Variants in ERBB4 observed in about 807,000 individuals in gnomAD.
ERBB4 encodes receptor tyrosine-protein kinase erbB-4.
Under a neutral mutation model 158.0 loss-of-function variants are expected in ERBB4, and 42 were observed. That is an observed-to-expected ratio of 0.27 (90% CI 0.21 to 0.34). The LOEUF is 0.34. Ranked by LOEUF, ERBB4 falls within the 10% of genes least tolerant of loss-of-function variation. ERBB4 has a pLI of 1.00. For synonymous variants in ERBB4, 583 were observed against 558.7 expected, an observed-to-expected ratio of 1.04 and a Z score of -0.61; for missense variants, 1,333 against 1,624.1, an observed-to-expected ratio of 0.82 and a Z score of 3.08.
At chr2:212,297,502 C>T (rs1453342712) in intron 1 of ERBB4, among the ~76,000 whole-genome samples, 1 of 151,772 alleles carries the variant, frequency 6.6e-6, no homozygotes, top group Non-Finnish European at 1.5e-5. Flanking sequence ...TGTTATAACA[C>T]TAAAAGACAC....
intron 2 of ERBB4, among the ~76,000 whole-genome samples, chr2:212,117,742 A>G (rs988037981): frequency 3.3e-5 from 5 of 149,306 alleles, no homozygotes. Flanking sequence ...CCACTTTGTT[A>G]TGTCATAGAT....
At chr2:212,448,612 G>C (rs1644000491) in intron 1 of ERBB4, among the ~76,000 whole-genome samples, 1 of 152,104 alleles carries the variant, frequency 6.6e-6, no homozygotes, top group South Asian at 2.1e-4. Flanking sequence ...GAAAGAAGCA[G>C]CAGCTTCTGT....
chr2:212,198,874 C>T (rs1295089502), intron 1 of ERBB4, among the ~76,000 whole-genome samples: 1 of 151,704 alleles, frequency 6.6e-6, no homozygotes. Context: ...TGAACCACCA[C>T]ACCTAGCCTA....
intron 20 of ERBB4, among the ~76,000 whole-genome samples, chr2:211,469,559 G>C (rs189030091): frequency 6.6e-6 from 1 of 152,250 alleles, no homozygotes; most frequent in African/African-American, 2.4e-5. Flanking sequence ...CTTAAAGCTA[G>C]AGGAAGATCT....
chr2:211,701,637 A>G (rs1416379426), intron 12 of ERBB4, among the ~76,000 whole-genome samples: 1 of 151,780 alleles, frequency 6.6e-6, no homozygotes, highest in African/African-American at 2.4e-5. Flanking sequence ...GGGCGCCTGT[A>G]GTCCCAGCTA....
At chr2:211,657,617 G>A (rs1283729061) in intron 16 of ERBB4, 137 bp downstream of exon 16, 1 of 732,160 alleles carries the variant, frequency 1.4e-6, no homozygotes, top group African/African-American at 1.7e-5. Context: ...AGTGTTTTAT[G>A]CCTCTTTCAA....
At chr2:211,915,487 C>A (rs1346447467) in intron 3 of ERBB4, among the ~76,000 whole-genome samples, 2 of 150,114 alleles carry the variant, frequency 1.3e-5, no homozygotes, top group Non-Finnish European at 3.0e-5. Flanking sequence ...ATTTTTAAGA[C>A]AACTTTCTTT....
At chr2:212,316,840 T>C (rs765291913) in intron 1 of ERBB4, among the ~76,000 whole-genome samples, 24 of 151,458 alleles carry the variant, frequency 1.6e-4, no homozygotes, top group Non-Finnish European at 3.0e-4. Context: ...GATATGAGAA[T>C]TATGTCTGTT....
intron 1 of ERBB4, among the ~76,000 whole-genome samples, chr2:212,179,297 G>C (rs1231372620): frequency 3.3e-5 from 5 of 149,866 alleles, no homozygotes; most frequent in African/African-American, 1.2e-4. Flanking sequence ...TTCTCATTTA[G>C]AAATTCCTCC....
At chr2:211,854,403 C>A (rs1364685549) in intron 3 of ERBB4, among the ~76,000 whole-genome samples, 10 of 151,920 alleles carry the variant, frequency 6.6e-5, no homozygotes, top group Non-Finnish European at 2.9e-5. Context: ...TTAAAAAGGG[C>A]AAAACACTCG....
intron 2 of ERBB4, among the ~76,000 whole-genome samples, chr2:212,018,284 C>T (rs1262977693): frequency 3.3e-5 from 5 of 152,232 alleles, no homozygotes; most frequent in Admixed American, 1.3e-4. Context: ...TTAGGTTTAA[C>T]CTGAGATAAA....
chr2:212,538,249 T>C (rs1057350662), intron 1 of ERBB4, among the ~76,000 whole-genome samples, 200 bp downstream of exon 1: 1 of 152,150 alleles, frequency 6.6e-6, no homozygotes, highest in Non-Finnish European at 1.5e-5. Flanking sequence ...CAGAGTGATT[T>C]TTCACGATAA....
chr2:212,250,398 A>G (rs2084485539), intron 1 of ERBB4, among the ~76,000 whole-genome samples: 1 of 151,880 alleles, frequency 6.6e-6, no homozygotes, highest in African/African-American at 2.4e-5. Context: ...GACAACTGTT[A>G]CAAGTATAAG....
intron 2 of ERBB4, among the ~76,000 whole-genome samples, chr2:212,092,820 G>A (rs2078820051): frequency 6.6e-6 from 1 of 152,150 alleles, no homozygotes; most frequent in Non-Finnish European, 1.5e-5. Context: ...CTGTCAGGGG[G>A]CTAGGGGAGG....
intron 1 of ERBB4, among the ~76,000 whole-genome samples, chr2:212,242,253 T>C (rs1454229905): frequency 6.6e-6 from 1 of 151,900 alleles, no homozygotes; most frequent in Non-Finnish European, 1.5e-5. Context: ...TTAAAAGACA[T>C]AGAATATTTT....
At chr2:212,229,252 C>T (rs2083582832) in intron 1 of ERBB4, among the ~76,000 whole-genome samples, 1 of 152,070 alleles carries the variant, frequency 6.6e-6, no homozygotes. Context: ...ATAATTAGAA[C>T]AACTAACCAA....
At chr2:211,772,918 CACACACATATATATATAT>C (rs1308099147) in intron 4 of ERBB4, among the ~76,000 whole-genome samples, 1 of 46,812 alleles carries the variant, frequency 2.1e-5, no homozygotes, top group Non-Finnish European at 4.1e-5. Flanking sequence ...TACACACACA[CACACACATATATATATAT>C]ATATATATAT....
intron 1 of ERBB4, among the ~76,000 whole-genome samples, chr2:212,473,024 GGTCT>G (rs35043933): frequency 0.14 from 20,692 of 151,554 alleles, 1,507 homozygotes; most frequent in Non-Finnish European, 0.16. Context: ...AAAACACAAA[GGTCT>G]GTTTAAGAAA....
At chr2:211,424,883 A>G (rs2063591977) in intron 22 of ERBB4, among the ~76,000 whole-genome samples, 1 of 152,146 alleles carries the variant, frequency 6.6e-6, no homozygotes, top group African/African-American at 2.4e-5. Context: ...TACGTAATAT[A>G]TAGTACATGT....
Sources: gnomAD v4.1 joint callset for allele counts (sites outside exome capture counted in the v4.1 genomes callset) on GRCh38, gnomAD v4.1.1 for gene constraint, MANE v1.5 for transcripts, NCBI Gene and HGNC (gene_info 2026-07-23, HGNC 2026-07-21) for gene names.